Variants in MMP26 observed in about 807,000 individuals in gnomAD.
MMP26 encodes the protein matrix metalloproteinase-26.
Under a neutral mutation model 31.0 loss-of-function variants are expected in MMP26, and 33 were observed. That is an observed-to-expected ratio of 1.06 (90% CI 0.81 to 1.42). The LOEUF (loss-of-function observed/expected upper bound fraction) is 1.42. Ranked by LOEUF, MMP26 falls within the 40% of genes most tolerant of loss-of-function variation. MMP26 has a pLI of 0.00. For synonymous variants in MMP26, 122 were observed against 114.9 expected, an observed-to-expected ratio of 1.06 and a Z score of -0.40; for missense variants, 347 against 316.1, an observed-to-expected ratio of 1.10 and a Z score of -0.74.
At chr11:4,792,176 GTGTT>G in intron 2 of MMP26, among the ~76,000 whole-genome samples, 1 of 147,110 alleles carries the variant, frequency 6.8e-6, no homozygotes, top group East Asian at 2.0e-4. Context: ...AAAAGTACAA[GTGTT>G]TGACTCAAAA....
chr11:4,769,256 A>G (rs1848675563), intron 2 of MMP26: 1 of 1,613,710 alleles, frequency 6.2e-7, no homozygotes, highest in Non-Finnish European at 8.5e-7. Flanking sequence ...AATAATTAAG[A>G]TATATGACAG....
chr11:4,748,687 A>T (rs930526709), intron 1 of MMP26, among the ~76,000 whole-genome samples: 28 of 150,026 alleles, frequency 1.9e-4, no homozygotes, highest in Admixed American at 4.6e-4. Flanking sequence ...GACTTTTTTT[A>T]AAAAAAATAT....
At chr11:4,914,838 G>A (rs753888356) in intron 2 of MMP26, 1 of 1,613,956 alleles carries the variant, frequency 6.2e-7, no homozygotes, top group East Asian at 2.2e-5. Context: ...ACCTGGACCA[G>A]GTGGGGTGCC....
chr11:4,746,920 G>T (rs115492206), intron 1 of MMP26, among the ~76,000 whole-genome samples: 1,674 of 151,340 alleles, frequency 0.011, 30 homozygotes, highest in African/African-American at 0.037. Flanking sequence ...CAGTTCTTAA[G>T]GCCACAAAAC....
At chr11:4,934,542 G>A (rs1851404700) in intron 2 of MMP26, among the ~76,000 whole-genome samples, 1 of 144,716 alleles carries the variant, frequency 6.9e-6, no homozygotes, top group South Asian at 2.3e-4. Flanking sequence ...TCACTCTGAT[G>A]GTAGTTTCTT....
At chr11:4,719,885 A>G (rs1847987631) in intron 1 of MMP26, among the ~76,000 whole-genome samples, 1 of 152,224 alleles carries the variant, frequency 6.6e-6, no homozygotes, top group Non-Finnish European at 1.5e-5. Context: ...AGAAAAAGAG[A>G]AAGTGTCTAC....
intron 2 of MMP26, among the ~76,000 whole-genome samples, chr11:4,986,926 T>TCTCC (rs1564819700): frequency 4.1e-5 from 4 of 98,548 alleles, no homozygotes; most frequent in Admixed American, 1.0e-4. Flanking sequence ...TCTCTCTCTC[T>TCTCC]CTCTCCCTCT....
chr11:4,990,806 T>A, intron 5 of MMP26, 60 bp downstream of exon 5: 12 of 1,494,930 alleles, frequency 8.0e-6, no homozygotes, highest in Non-Finnish European at 1.1e-5. Flanking sequence ...ACAAAGGGTT[T>A]CCATCCTTAA....
chr11:4,990,391 T>C (rs1264334780), intron 4 of MMP26, among the ~76,000 whole-genome samples: 1 of 152,226 alleles, frequency 6.6e-6, no homozygotes, highest in Non-Finnish European at 1.5e-5. Flanking sequence ...ATTTGGGATA[T>C]TGTTAAAATT....
chr11:4,992,193 T>TG (rs60905583), intron 7 of MMP26, 21 bp from the exon 8 acceptor site: 483,380 of 1,608,194 alleles, frequency 0.3, 75,147 homozygotes, highest in Non-Finnish European at 0.32. Flanking sequence ...TTACTGTTGT[T>TG]TTTTTTTTCT....
intron 2 of MMP26, among the ~76,000 whole-genome samples, chr11:4,807,610 G>A (rs1054292049): frequency 2.3e-5 from 3 of 127,934 alleles, no homozygotes; most frequent in African/African-American, 9.2e-5. Flanking sequence ...CACACTGGGG[G>A]CCTGTCTGGG....
At chr11:4,953,078 G>A (rs1278586376) in intron 2 of MMP26, among the ~76,000 whole-genome samples, 2 of 124,804 alleles carry the variant, frequency 1.6e-5, no homozygotes, top group African/African-American at 5.4e-5. Flanking sequence ...AGGAAAGTTG[G>A]ACTATTTTTC....
intron 2 of MMP26, among the ~76,000 whole-genome samples, chr11:4,954,161 C>T (rs1316713668): frequency 8.0e-6 from 1 of 124,812 alleles, no homozygotes; most frequent in Non-Finnish European, 1.8e-5. Flanking sequence ...TCTTGCCTTG[C>T]ATAGCGAATC....
intron 2 of MMP26, among the ~76,000 whole-genome samples, chr11:4,830,436 A>G: frequency 6.6e-6 from 1 of 152,224 alleles, no homozygotes; most frequent in Non-Finnish European, 1.5e-5. Context: ...GTCCACATGT[A>G]GCATGGGGTA....
chr11:4,748,511 T>C (rs1354515501), intron 1 of MMP26, among the ~76,000 whole-genome samples: 2 of 147,726 alleles, frequency 1.4e-5, no homozygotes, highest in Non-Finnish European at 1.5e-5. Context: ...CAGATAAATA[T>C]CCCTGATGAA....
chr11:4,715,411 G>A (rs2091554853), intron 1 of MMP26, among the ~76,000 whole-genome samples: 1 of 151,094 alleles, frequency 6.6e-6, no homozygotes, highest in South Asian at 2.1e-4. Context: ...AGTAGGTGAT[G>A]CCACCAAATG....
intron 2 of MMP26, among the ~76,000 whole-genome samples, chr11:4,889,088 C>T (rs1435681091): frequency 6.6e-6 from 1 of 152,128 alleles, no homozygotes; most frequent in East Asian, 1.9e-4. Context: ...ACACACTTAT[C>T]AACATACATG....
At chr11:4,978,579 T>C (rs547911126) in intron 2 of MMP26, among the ~76,000 whole-genome samples, 1 of 152,240 alleles carries the variant, frequency 6.6e-6, no homozygotes, top group South Asian at 2.1e-4. Flanking sequence ...TGTTTAGTAA[T>C]GACAACACTG....
chr11:4,789,605 A>C, intron 2 of MMP26, among the ~76,000 whole-genome samples: 1 of 119,634 alleles, frequency 8.4e-6, no homozygotes, highest in East Asian at 2.9e-4. Context: ...CAGTAGCATG[A>C]TCTCGGCTCA....
Sources: allele counts gnomAD v4.1 joint callset (sites outside exome capture counted in the v4.1 genomes callset), GRCh38; gene constraint gnomAD v4.1.1; transcripts MANE v1.5; gene names NCBI Gene and HGNC (gene_info 2026-07-23, HGNC 2026-07-21).